The following CALN1 variants were observed in gnomAD, a reference collection of about 807,000 sequenced individuals.
CALN1 encodes the protein calcium-binding protein 8.
Under a neutral mutation model 30.6 loss-of-function variants are expected in CALN1, and 17 were observed. The observed-to-expected ratio is 0.56, with a 90% CI of 0.38 to 0.83. The LOEUF (loss-of-function observed/expected upper bound fraction) is 0.83, where lower values mean the gene tolerates loss of function less well. Ranked by LOEUF, CALN1 falls within the 40% of genes least tolerant of loss-of-function variation. The pLI is 0.00. For synonymous variants in CALN1, 156 were observed against 131.4 expected, an observed-to-expected ratio of 1.19 and a Z score of -1.28; for missense variants, 291 against 354.9, an observed-to-expected ratio of 0.82 and a Z score of 1.45.
the CALN1 span, among the ~76,000 whole-genome samples, chr7:72,459,994 G>A: frequency 2.0e-5 from 3 of 152,196 alleles, no homozygotes; most frequent in South Asian, 2.1e-4. Flanking sequence ...TGGAGCCAAC[G>A]TCTGCATCTG....
chr7:72,177,539 C>A (rs926682049), intron 3 of CALN1, among the ~76,000 whole-genome samples: 10 of 151,936 alleles, frequency 6.6e-5, no homozygotes, highest in South Asian at 4.2e-4. Flanking sequence ...CTGAGAAGGG[C>A]GGATCACTTG....
At chr7:72,381,211 G>GTGTTCCTTGCT in intron 2 of CALN1, among the ~76,000 whole-genome samples, 1 of 152,260 alleles carries the variant, frequency 6.6e-6, no homozygotes, top group African/African-American at 2.4e-5. Context: ...AGAATTATAG[G>GTGTTCCTTGCT]TGTTCCTTGC....
chr7:71,928,967 A>ACT (rs1795412236), intron 5 of CALN1, among the ~76,000 whole-genome samples: 1 of 150,232 alleles, frequency 6.7e-6, no homozygotes, highest in South Asian at 2.1e-4. Context: ...CCAGGGACCC[A>ACT]CTTCCCTGCT....
At chr7:72,247,875 G>A (rs1038349565) in intron 3 of CALN1, among the ~76,000 whole-genome samples, 1 of 152,150 alleles carries the variant, frequency 6.6e-6, no homozygotes, top group Admixed American at 6.5e-5. Flanking sequence ...ATGCATGCCT[G>A]TAGTCCCAGC....
intron 2 of CALN1, among the ~76,000 whole-genome samples, chr7:72,316,616 C>T (rs1451485105): frequency 6.6e-6 from 1 of 151,984 alleles, no homozygotes; most frequent in African/African-American, 2.4e-5. Flanking sequence ...AAAGTTTAAC[C>T]ACAAACCTTT....
intron 2 of CALN1, among the ~76,000 whole-genome samples, chr7:72,291,840 A>G (rs1244310528): frequency 6.6e-6 from 1 of 152,068 alleles, no homozygotes; most frequent in Admixed American, 6.5e-5. Flanking sequence ...TCGAACTCCC[A>G]ACCTCAAGTG....
chr7:71,854,230 C>T (rs914128756), intron 5 of CALN1, among the ~76,000 whole-genome samples: 1 of 151,946 alleles, frequency 6.6e-6, no homozygotes, highest in Non-Finnish European at 1.5e-5. Flanking sequence ...ACAGGCCGGG[C>T]AGGAGGCTGA....
In CALN1 at chr7:71,878,402, A is replaced by AC. The variant is rs34200747; in HGVS notation, c.502-67911_502-67910insG. Among the ~76,000 whole-genome samples the AC allele has an allele frequency of 8.7e-4, 95 of 108,646 alleles. 1 individual carries two copies. The highest frequency in any genetic ancestry group is 4.0e-3 in the African/African-American group (92 of 23,068). The allele number at this position is 108,646 out of a possible 152,430, so 71.3% of individuals were successfully genotyped here. On this transcript the variant is annotated intron_variant, in intron 5 of 6. Transcript: ENST00000395275. ...GGGCAACAGAGTGAGACCCTGTCTCAAAAAAAAAAAAAAGTATAATGTGGT... is the reference window on the plus strand; with the variant it reads ...GGGCAACAGAGTGAGACCCTGTCTCACAAAAAAAAAAAAAGTATAATGTGGT...
intron 1 of CALN1, among the ~76,000 whole-genome samples, chr7:72,433,783 G>A (rs1808054302): frequency 6.6e-6 from 1 of 152,170 alleles, no homozygotes; most frequent in South Asian, 2.1e-4. Context: ...GTACATTGGA[G>A]GCGGGGCACA....
At chr7:72,388,771 T>C (rs1342720240) in intron 2 of CALN1, among the ~76,000 whole-genome samples, 2 of 152,312 alleles carry the variant, frequency 1.3e-5, no homozygotes, top group East Asian at 1.9e-4. Flanking sequence ...CAGACACCTG[T>C]TGGTCTCCAG....
intron 2 of CALN1, among the ~76,000 whole-genome samples, chr7:72,304,742 C>T (rs1329104209): frequency 6.6e-6 from 1 of 152,070 alleles, no homozygotes; most frequent in Non-Finnish European, 1.5e-5. Flanking sequence ...ACCTGGCCTA[C>T]CTAGCCACAT....
chr7:71,974,600 C>G (rs546226397), intron 5 of CALN1, among the ~76,000 whole-genome samples: 1 of 152,042 alleles, frequency 6.6e-6, no homozygotes, highest in African/African-American at 2.4e-5. Context: ...AGATTCTGGG[C>G]AGAAAGCAGT....
chr7:72,469,433 G>C, the CALN1 span, among the ~76,000 whole-genome samples: 1 of 152,188 alleles, frequency 6.6e-6, no homozygotes, highest in East Asian at 1.9e-4. Context: ...GTCTGACTCT[G>C]TCACCCAGGC....
chr7:72,492,913 G>A, the CALN1 span, among the ~76,000 whole-genome samples: 2 of 152,300 alleles, frequency 1.3e-5, no homozygotes, highest in Admixed American at 1.3e-4. Context: ...TAACACATTT[G>A]CAGAGACTAA....
Position 71,784,212 on chromosome 7 carries a change from C to T in CALN1, c.*3563G>A, listed in dbSNP as rs1160538047. Reference sequence around the variant, plus strand: ...CCAGGGCTTACAGGTAGCTCCTGCTCTCCTGAGTAAATAGAAGGACAAGTT... The same window carrying T: ...CCAGGGCTTACAGGTAGCTCCTGCTTTCCTGAGTAAATAGAAGGACAAGTT... On this transcript the variant is annotated 3_prime_UTR_variant, in exon 7 of 7. Coordinates refer to ENST00000395275, the MANE Select transcript of CALN1 (RefSeq NM_031468.4). The T allele has an allele frequency of 6.6e-6, 1 of 152,170 alleles. No individual in the cohort carries two copies. Among genetic ancestry groups the T allele is most frequent in the African/African-American group, 2.4e-5 (1 of 41,422 alleles). The allele number at this position is 152,170 out of a possible 1,614,324, so 9.4% of individuals were successfully genotyped here.
intron 3 of CALN1, among the ~76,000 whole-genome samples, chr7:72,171,586 C>T (rs185992971): frequency 3.9e-5 from 6 of 152,280 alleles, no homozygotes; most frequent in African/African-American, 7.2e-5. Flanking sequence ...TATTTAGCCT[C>T]GTATGTTCTC....
Position 72,317,528 on chromosome 7 carries a change from T to C in CALN1, c.120-38718A>G, listed in dbSNP as rs559843546. On this transcript the variant is annotated intron_variant, in intron 2 of 6. Coordinates refer to ENST00000395275, the MANE Select transcript of CALN1 (RefSeq NM_031468.4). ...CTGGCTGGCCCCACCAGAGAACTGA[T>C]GACAGCCAGCATCTGGTAGGATGGG... Among the ~76,000 whole-genome samples the C allele has an allele frequency of 9.2e-5, 14 of 152,200 alleles. No homozygotes were observed. The East Asian group carries it at 2.7e-3, about 29-fold the overall frequency.
intron 5 of CALN1, among the ~76,000 whole-genome samples, chr7:71,937,240 A>G (rs1367629895): frequency 6.6e-6 from 1 of 151,896 alleles, no homozygotes; most frequent in African/African-American, 2.4e-5. Flanking sequence ...AACCCGGGAG[A>G]CAGAGGTTGC....
At chr7:72,145,337 A>G (rs1786619266) in intron 3 of CALN1, among the ~76,000 whole-genome samples, 2 of 152,362 alleles carry the variant, frequency 1.3e-5, no homozygotes, top group South Asian at 2.1e-4. Flanking sequence ...AGAATACTAT[A>G]AACACCTCTA....
Sources: allele counts gnomAD v4.1 joint callset (sites outside exome capture counted in the v4.1 genomes callset), GRCh38; gene constraint gnomAD v4.1.1; transcripts MANE v1.5; gene names NCBI Gene and HGNC (gene_info 2026-07-23, HGNC 2026-07-21).